DIP2B: variants seen among roughly 807,000 people sequenced by gnomAD.
DIP2B encodes disco-interacting protein 2 homolog B.
In DIP2B, 76 loss-of-function variants were observed where a neutral mutation model predicts 198.0. The observed-to-expected ratio is 0.38, with a 90% confidence interval of 0.32 to 0.46. The LOEUF (loss-of-function observed/expected upper bound fraction) is 0.46, where lower values mean the gene tolerates loss of function less well. Ranked by LOEUF, DIP2B falls within the 20% of genes least tolerant of loss-of-function variation. DIP2B has a pLI of 0.99. For synonymous variants in DIP2B, 701 were observed against 739.1 expected (o/e 0.95, Z 0.84); for missense variants, 1,559 against 1,978.4 (o/e 0.79, Z 4.02).
At chr12:50,604,823 A>G (rs182699921) in intron 1 of DIP2B, among the ~76,000 whole-genome samples, 107 of 152,296 alleles carry the variant, frequency 7.0e-4, no homozygotes, top group Middle Eastern at 6.8e-3. Context: ...ATGATCTGGT[A>G]TGTAGTCAAT....
At position 50,731,587 on chromosome 12, in the gene DIP2B, T is replaced by A. The variant is rs373856406; in HGVS notation, c.3810+50T>A. ...CCAGTCCCAAAAGGTTCTGAAGAAA[T>A]GCGCCAGGACGTAACAGGGCCAGAG... On this transcript the variant is annotated intron_variant, in intron 31 of 37. Transcript: ENST00000301180. The A allele has an allele frequency of 1.9e-6, 3 of 1,569,600 alleles. No individual in the cohort carries two copies. The African/African-American group carries it at 4.1e-5, about 21-fold the overall frequency.
chr12:50,614,797 C>T (rs1043916723), intron 1 of DIP2B, among the ~76,000 whole-genome samples: 2 of 152,222 alleles, frequency 1.3e-5, no homozygotes, highest in African/African-American at 4.8e-5. Flanking sequence ...TGGAAAAACC[C>T]TTTTCCACTT....
At chr12:50,595,029 A>G (rs1214792861) in intron 1 of DIP2B, among the ~76,000 whole-genome samples, 1 of 152,236 alleles carries the variant, frequency 6.6e-6, no homozygotes, top group Admixed American at 6.5e-5. Flanking sequence ...ATTGAAAGAA[A>G]TATCTACTTT....
At chr12:50,692,516 C>A (rs1323461072) in intron 13 of DIP2B, among the ~76,000 whole-genome samples, 1 of 152,036 alleles carries the variant, frequency 6.6e-6, no homozygotes, top group African/African-American at 2.4e-5. Context: ...CTCAAAAACC[C>A]GTGAGAACTT....
chr12:50,517,616 C>G (rs1272089967), intron 1 of DIP2B, among the ~76,000 whole-genome samples: 3 of 152,178 alleles, frequency 2.0e-5, no homozygotes, highest in Non-Finnish European at 2.9e-5. Context: ...CTTGGCTTCT[C>G]TCAGTCACAG....
intron 1 of DIP2B, among the ~76,000 whole-genome samples, chr12:50,585,285 C>T (rs1958760552): frequency 6.6e-6 from 1 of 152,196 alleles, no homozygotes; most frequent in Non-Finnish European, 1.5e-5. Context: ...GGAAATAGAG[C>T]ATTGGGCAAG....
intron 4 of DIP2B, among the ~76,000 whole-genome samples, chr12:50,669,621 C>T (rs989461403): frequency 5.3e-5 from 8 of 152,108 alleles, no homozygotes; most frequent in East Asian, 1.9e-4. Context: ...GACAGGGTTT[C>T]GCGATGTTGG....
At chr12:50,583,462 C>T (rs1275879178) in intron 1 of DIP2B, among the ~76,000 whole-genome samples, 1 of 152,198 alleles carries the variant, frequency 6.6e-6, no homozygotes, top group Non-Finnish European at 1.5e-5. Context: ...CTGTGGTCTG[C>T]TTTCCTCCCC....
intron 36 of DIP2B, among the ~76,000 whole-genome samples, chr12:50,739,979 G>T (rs556808715): frequency 6.6e-6 from 1 of 152,338 alleles, no homozygotes; most frequent in South Asian, 2.1e-4. Context: ...AGGGGCGTCA[G>T]TTCCAAGGAG....
chr12:50,521,360 C>T (rs1958117565), intron 1 of DIP2B, among the ~76,000 whole-genome samples: 1 of 151,988 alleles, frequency 6.6e-6, no homozygotes, highest in Admixed American at 6.6e-5. Context: ...CCGCCTCAGC[C>T]TCCCAAAGTG....
intron 1 of DIP2B, among the ~76,000 whole-genome samples, chr12:50,551,649 G>A (rs1427236195): frequency 2.0e-5 from 3 of 152,052 alleles, no homozygotes; most frequent in Non-Finnish European, 2.9e-5. Context: ...TTGCCATGTC[G>A]CCCCAGCTGG....
At chr12:50,656,833 A>G (rs1398129949) in intron 3 of DIP2B, 1 of 152,162 alleles carries the variant, frequency 6.6e-6, no homozygotes, top group Non-Finnish European at 1.5e-5. Context: ...CGGCCTCCCA[A>G]AGTGCTGGAA....
At chr12:50,645,580 C>T (rs1938335813) in intron 3 of DIP2B, among the ~76,000 whole-genome samples, 1 of 151,732 alleles carries the variant, frequency 6.6e-6, no homozygotes, top group Non-Finnish European at 1.5e-5. Context: ...GCCTCAGCCT[C>T]TTAAGTAGTT....
At chr12:50,726,314 T>A (rs1939932880) in intron 28 of DIP2B, among the ~76,000 whole-genome samples, 1 of 152,186 alleles carries the variant, frequency 6.6e-6, no homozygotes, top group African/African-American at 2.4e-5. Flanking sequence ...AGAGGAGGTA[T>A]CATAAATGAG....
At chr12:50,509,099 T>C (rs1263047468) in intron 1 of DIP2B, among the ~76,000 whole-genome samples, 1 of 150,200 alleles carries the variant, frequency 6.7e-6, no homozygotes, top group Non-Finnish European at 1.5e-5. Flanking sequence ...TTGTGCCTAC[T>C]GTGTGCAAAT....
At chr12:50,541,182 A>T (rs1958322078) in intron 1 of DIP2B, among the ~76,000 whole-genome samples, 1 of 152,176 alleles carries the variant, frequency 6.6e-6, no homozygotes, top group South Asian at 2.1e-4. Context: ...AAGCTTAATG[A>T]TTTTGTAGAA....
chr12:50,507,040 G>C (rs1021399001), intron 1 of DIP2B, among the ~76,000 whole-genome samples: 4 of 152,104 alleles, frequency 2.6e-5, no homozygotes, highest in African/African-American at 9.7e-5. Context: ...AGAATGTCTA[G>C]AAACATTCTG....
intron 1 of DIP2B, among the ~76,000 whole-genome samples, chr12:50,527,937 T>C (rs1437642995): frequency 6.6e-6 from 1 of 151,772 alleles, no homozygotes; most frequent in Non-Finnish European, 1.5e-5. Context: ...TCTGTTTTTT[T>C]TTTTTTTGGA....
rs1170805960 is a variant in DIP2B, at chr12:50,683,259, T to C, written c.1317+11T>C. 1 of 1,601,114 alleles carries C rather than the reference T, an allele frequency of 6.2e-7. No individual in the cohort carries two copies. The highest frequency in any genetic ancestry group is 8.5e-7 in the Non-Finnish European group (1 of 1,172,122). On this transcript the variant is annotated intron_variant, in intron 10 of 37. Transcript: ENST00000301180. The stretch of plus-strand genomic sequence containing the variant: ...CCTCTTACCAGAAAGGTAACATTGC[T>C]AAATTTAAGAGGAATGTAGCCTGAT...
Sources: gnomAD v4.1 joint callset for allele counts (sites outside exome capture counted in the v4.1 genomes callset) on GRCh38, gnomAD v4.1.1 for gene constraint, MANE v1.5 for transcripts, NCBI Gene and HGNC (gene_info 2026-07-23, HGNC 2026-07-21) for gene names.